The following RBM47 variants were observed in gnomAD, a reference collection of about 807,000 sequenced individuals.
RBM47 encodes RNA-binding protein 47.
RBM47 carries 21 observed loss-of-function variants against 47.1 expected under a neutral mutation model. The observed-to-expected ratio is 0.45, with a 90% CI of 0.32 to 0.64. The LOEUF (loss-of-function observed/expected upper bound fraction) is 0.64, where lower values mean the gene tolerates loss of function less well. Among genes scored for constraint, RBM47 ranks in the 30% least tolerant of loss-of-function variants. The pLI is 0.05. For missense variants in RBM47, 708 were observed against 870.9 expected, an observed-to-expected ratio of 0.81 and a Z score of 2.35; for synonymous variants, 375 against 361.7, an observed-to-expected ratio of 1.04 and a Z score of -0.42.
At chr4:40,437,054 G>A (rs1970852) in intron 4 of RBM47, among the ~76,000 whole-genome samples, 84,265 of 102,132 alleles carry the variant, frequency 0.83, 35,134 homozygotes, top group Middle Eastern at 0.88. Flanking sequence ...AGCCTGGGGA[G>A]CATGGTGAGA....
At chr4:40,504,989 A>T (rs571770987) in intron 2 of RBM47, among the ~76,000 whole-genome samples, 1 of 152,194 alleles carries the variant, frequency 6.6e-6, no homozygotes, top group Non-Finnish European at 1.5e-5. Context: ...AAGATTCCTT[A>T]ATTTTCCTTT....
chr4:40,538,659 C>T (rs1198072467), intron 2 of RBM47, among the ~76,000 whole-genome samples: 4 of 150,440 alleles, frequency 2.7e-5, no homozygotes, highest in South Asian at 2.1e-4. Context: ...TGTTTTGAGA[C>T]GGAGTCTTGC....
At chr4:40,558,215 C>A (rs530367103) in intron 1 of RBM47, among the ~76,000 whole-genome samples, 1 of 152,264 alleles carries the variant, frequency 6.6e-6, no homozygotes, top group African/African-American at 2.4e-5. Context: ...TTTGGGATTT[C>A]TCCTCTTAAA....
At chr4:40,544,618 T>C (rs1184715296) in intron 1 of RBM47, 112 bp from the exon 2 acceptor site, 1 of 152,188 alleles carries the variant, frequency 6.6e-6, no homozygotes, top group Non-Finnish European at 1.5e-5. Flanking sequence ...GAACATGGTG[T>C]TTTGCTATTA....
At chr4:40,607,949 C>G (rs1199343481) in intron 1 of RBM47, among the ~76,000 whole-genome samples, 2 of 151,654 alleles carry the variant, frequency 1.3e-5, no homozygotes, top group Non-Finnish European at 2.9e-5. Context: ...TACTAAAATA[C>G]AAAAAATTGG....
intron 1 of RBM47, among the ~76,000 whole-genome samples, chr4:40,575,250 C>A (rs1052755395): frequency 6.6e-6 from 1 of 152,086 alleles, no homozygotes; most frequent in African/African-American, 2.4e-5. Flanking sequence ...ATTAATACAG[C>A]TACCTATAAA....
intron 1 of RBM47, among the ~76,000 whole-genome samples, chr4:40,544,742 T>C (rs1728853922): frequency 6.6e-6 from 1 of 152,124 alleles, no homozygotes; most frequent in Non-Finnish European, 1.5e-5. Context: ...TTCCGTTTCA[T>C]ATTAATTAAA....
chr4:40,434,884 GCTGGGCT>G (rs1712079907), intron 5 of RBM47, among the ~76,000 whole-genome samples: 1 of 152,152 alleles, frequency 6.6e-6, no homozygotes, highest in Non-Finnish European at 1.5e-5. Flanking sequence ...AATCAGAGTA[GCTGGGCT>G]CCAAACAGTT....
intron 2 of RBM47, among the ~76,000 whole-genome samples, chr4:40,471,455 T>C (rs1718858818): frequency 6.6e-6 from 1 of 152,084 alleles, no homozygotes; most frequent in Admixed American, 6.5e-5. Context: ...CCCAGCACTT[T>C]GGGAGGCCAA....
intron 2 of RBM47, among the ~76,000 whole-genome samples, chr4:40,498,088 A>ATATATATAT (rs1451337894): frequency 9.4e-5 from 13 of 138,608 alleles, no homozygotes; most frequent in East Asian, 2.1e-4. Context: ...ATGTTTATCT[A>ATATATATAT]ATTCCAGAAA....
At chr4:40,470,421 C>CT (rs1718682605) in intron 2 of RBM47, among the ~76,000 whole-genome samples, 1 of 152,148 alleles carries the variant, frequency 6.6e-6, no homozygotes, top group African/African-American at 2.4e-5. Context: ...CATGGGGGGA[C>CT]TTGAGGGCAA....
At chr4:40,555,914 G>A (rs1474998501) in intron 1 of RBM47, among the ~76,000 whole-genome samples, 2 of 152,120 alleles carry the variant, frequency 1.3e-5, no homozygotes, top group Non-Finnish European at 2.9e-5. Flanking sequence ...CAGAAGTCAT[G>A]GCCACTTTCG....
chr4:40,467,117 C>A (rs1718170099), intron 2 of RBM47, among the ~76,000 whole-genome samples: 1 of 152,164 alleles, frequency 6.6e-6, no homozygotes, highest in African/African-American at 2.4e-5. Context: ...AGCTCATGGA[C>A]TTCCCAGCCA....
chr4:40,471,739 C>G (rs895174359), intron 2 of RBM47, among the ~76,000 whole-genome samples: 1 of 151,818 alleles, frequency 6.6e-6, no homozygotes, highest in Non-Finnish European at 1.5e-5. Context: ...CTGCTTAAAC[C>G]CCTACACTCT....
chr4:40,571,557 G>A (rs76667674), intron 1 of RBM47, among the ~76,000 whole-genome samples: 27,586 of 151,914 alleles, frequency 0.18, 2,895 homozygotes, highest in African/African-American at 0.23. Flanking sequence ...TTTCTATTCT[G>A]ACTCATGATC....
At chr4:40,445,421 T>C (rs879632109) in intron 3 of RBM47, among the ~76,000 whole-genome samples, 7 of 152,190 alleles carry the variant, frequency 4.6e-5, no homozygotes, top group Non-Finnish European at 1.0e-4. Flanking sequence ...CTGACACTTA[T>C]ATATTAATAA....
At chr4:40,464,194 G>C (rs1245214485) in intron 3 of RBM47, among the ~76,000 whole-genome samples, 1 of 152,224 alleles carries the variant, frequency 6.6e-6, no homozygotes, top group Non-Finnish European at 1.5e-5. Flanking sequence ...ACAGCTTAGA[G>C]TACCTGTTTA....
chr4:40,560,943 C>A (rs1349513338), intron 1 of RBM47, among the ~76,000 whole-genome samples: 1 of 148,574 alleles, frequency 6.7e-6, no homozygotes, highest in East Asian at 2.0e-4. Context: ...TCAGCCTGGG[C>A]AAAAAGTAAG....
intron 2 of RBM47, among the ~76,000 whole-genome samples, chr4:40,475,296 T>C (rs1034826637): frequency 6.6e-6 from 1 of 152,152 alleles, no homozygotes; most frequent in African/African-American, 2.4e-5. Flanking sequence ...ATAATTTCCT[T>C]CTCTAAACAC....
Sources: gnomAD v4.1 joint callset for allele counts (sites outside exome capture counted in the v4.1 genomes callset) on GRCh38, gnomAD v4.1.1 for gene constraint, MANE v1.5 for transcripts, NCBI Gene and HGNC (gene_info 2026-07-23, HGNC 2026-07-21) for gene names.